KIF13B: variants seen among roughly 807,000 people sequenced by gnomAD.
KIF13B encodes kinesin-like protein KIF13B.
In KIF13B, 127 loss-of-function variants were observed where a neutral mutation model predicts 222.0. That is an observed-to-expected ratio of 0.57 (90% CI 0.50 to 0.66). The LOEUF (loss-of-function observed/expected upper bound fraction) is 0.66. KIF13B is among the 30% of genes least tolerant of loss of function. The pLI, the probability that KIF13B is intolerant of heterozygous loss-of-function variation, is 0.00. For missense variants in KIF13B, 2,173 were observed against 2,379.0 expected (o/e 0.91, Z 1.80); for synonymous variants, 976 against 919.0 (o/e 1.06, Z -1.12).
intron 1 of KIF13B, 96 bp downstream of exon 1, chr8:29,262,884 G>A (rs949669825): frequency 2.0e-6 from 2 of 991,460 alleles, no homozygotes; most frequent in Non-Finnish European, 2.8e-6. Context: ...CTGACTATAG[G>A]GGCGGGGCCG....
At chr8:29,263,074 G>A (rs781744835), upstream of KIF13B, 48 of 1,553,838 alleles carry the variant, frequency 3.1e-5, no homozygotes, top group Non-Finnish European at 4.2e-5. Context: ...TCCGTCTGCC[G>A]CGGCCACCGG....
chr8:29,107,519 ACAT>A (rs1809131670), intron 35 of KIF13B, among the ~76,000 whole-genome samples: 1 of 151,818 alleles, frequency 6.6e-6, no homozygotes, highest in Non-Finnish European at 1.5e-5. Context: ...CAAGAGCGAA[ACAT>A]CATCACACAC....
intron 1 of KIF13B, among the ~76,000 whole-genome samples, chr8:29,256,857 C>T (rs1254322999): frequency 4.6e-5 from 7 of 152,156 alleles, no homozygotes; most frequent in Non-Finnish European, 8.8e-5. Context: ...CAGGTTGAAG[C>T]GATTATCCCA....
chr8:29,088,036 C>T (rs960768394), intron 37 of KIF13B, among the ~76,000 whole-genome samples: 4 of 151,812 alleles, frequency 2.6e-5, no homozygotes, highest in Admixed American at 2.0e-4. Flanking sequence ...GGGAGGCTGA[C>T]GCAGGCGGAT....
At chr8:29,094,624 A>G (rs1229797249) in intron 36 of KIF13B, among the ~76,000 whole-genome samples, 1 of 152,250 alleles carries the variant, frequency 6.6e-6, no homozygotes, top group Non-Finnish European at 1.5e-5. Context: ...GGTATGAATC[A>G]CATGGATATA....
Position 29,116,901 on chromosome 8 carries a change from T to A in KIF13B, c.3767A>T (p.Gln1256Leu). ...TTGCATGTCAGCAGGGTGGCTGAGC[T>A]GGACCGTCACGCGCACGATCAGGAA... The part of the protein sequence containing the change: ...RLFLIVRVTV[Q>L]LSHPADMQLV... Residue 1256 changes from glutamine to leucine, a missense_variant, in exon 31 of 40, where the codon CAG (glutamine) becomes CTG (leucine). Coordinates refer to ENST00000524189, the MANE Select transcript of KIF13B (RefSeq NM_015254.4). 1 of 1,613,754 alleles carries A rather than the reference T, an allele frequency of 6.2e-7. No homozygotes were observed. Among genetic ancestry groups the A allele is most frequent in the Non-Finnish European group, 8.5e-7 (1 of 1,179,690 alleles).
chr8:29,083,046 T>C (rs1018644939), intron 37 of KIF13B, among the ~76,000 whole-genome samples: 2 of 152,002 alleles, frequency 1.3e-5, no homozygotes. Flanking sequence ...GGAGAATCAC[T>C]TGAGCCCAGG....
intron 2 of KIF13B, among the ~76,000 whole-genome samples, chr8:29,227,888 A>ACATGATGAGC (rs560595335): frequency 3.2e-4 from 49 of 152,092 alleles, no homozygotes; most frequent in Middle Eastern, 3.4e-3. Flanking sequence ...GAGTTCAAGT[A>ACATGATGAGC]CATGATGAGC....
At position 29,071,496 on chromosome 8, in the gene KIF13B, G is replaced by T; in HGVS notation, c.5218+124C>A. Reference sequence around the variant, plus strand: ...AGGCCCAGCCGCTCCCGCAGCTTCAGCCAAGCCGCTGCCTCCCGGCCCCTC... The same window carrying T: ...AGGCCCAGCCGCTCCCGCAGCTTCATCCAAGCCGCTGCCTCCCGGCCCCTC... On this transcript the variant is annotated intron_variant, in intron 39 of 39. Transcript: ENST00000524189. This position sits in a 1 kb window ranked among gnomAD's most constrained non-coding sequence, Gnocchi z 4.9. 2 of 862,120 alleles carry T rather than the reference G, an allele frequency of 2.3e-6. No individual in the cohort carries two copies. Among genetic ancestry groups the T allele is most frequent in the Non-Finnish European group, 3.6e-6 (2 of 555,796 alleles). The allele number at this position is 862,120 out of a possible 1,614,324, so 53.4% of individuals were successfully genotyped here. A position where few individuals can be genotyped will look rare whatever the true frequency, so the allele number is the denominator to read the frequency against.
chr8:29,256,809 C>T (rs1816496929), intron 1 of KIF13B, among the ~76,000 whole-genome samples: 1 of 152,202 alleles, frequency 6.6e-6, no homozygotes, highest in African/African-American at 2.4e-5. Context: ...GGCTAGAGTG[C>T]AGTGGTGCGA....
intron 2 of KIF13B, among the ~76,000 whole-genome samples, chr8:29,245,031 C>A (rs965670234): frequency 6.6e-6 from 1 of 152,328 alleles, no homozygotes; most frequent in South Asian, 2.1e-4. Context: ...TGCTAAGGAA[C>A]CGACTTACAT....
chr8:29,262,547 C>A (rs985590692), intron 1 of KIF13B, among the ~76,000 whole-genome samples: 1 of 151,774 alleles, frequency 6.6e-6, no homozygotes, highest in African/African-American at 2.4e-5. Context: ...GGGTCCCGGG[C>A]GGTCCCGAGG....
chr8:29,142,861 G>A (rs1810880643), intron 18 of KIF13B, among the ~76,000 whole-genome samples: 1 of 151,294 alleles, frequency 6.6e-6, no homozygotes, highest in South Asian at 2.1e-4. Flanking sequence ...ATACATGTGT[G>A]TGTGTGTAAA....
intron 8 of KIF13B, among the ~76,000 whole-genome samples, chr8:29,179,674 G>T (rs1586888642): frequency 6.6e-6 from 1 of 152,284 alleles, no homozygotes; most frequent in East Asian, 1.9e-4. Flanking sequence ...GCTGGCAGCG[G>T]GACTGGGGAA....
At chr8:29,112,083 A>C (rs754773424) in intron 32 of KIF13B, among the ~76,000 whole-genome samples, 1 of 152,244 alleles carries the variant, frequency 6.6e-6, no homozygotes, top group Non-Finnish European at 1.5e-5. Context: ...ACATGACTTG[A>C]GAGGCAAAAG....
chr8:29,124,536 A>G (rs961334544), intron 26 of KIF13B, among the ~76,000 whole-genome samples: 5 of 150,952 alleles, frequency 3.3e-5, no homozygotes, highest in Non-Finnish European at 1.5e-5. Context: ...TCACTTGAGG[A>G]CGGGAGTTTG....
intron 37 of KIF13B, 134 bp downstream of exon 37, chr8:29,092,611 G>C (rs1259911466): frequency 2.4e-6 from 2 of 848,950 alleles, no homozygotes; most frequent in Non-Finnish European, 1.8e-6. Context: ...AGAAAAGACC[G>C]ACAGCTGTTT....
chr8:29,239,986 T>C (rs1172475784), intron 2 of KIF13B, among the ~76,000 whole-genome samples: 1 of 147,118 alleles, frequency 6.8e-6, no homozygotes, highest in East Asian at 2.0e-4. Flanking sequence ...GTAACAAACC[T>C]GTATGTGTAC....
rs1563734107 is a variant in KIF13B at position 29,140,198 on chromosome 8, C to A, written c.2485-7G>T. Reference sequence around the variant, plus strand: ...CGTGCAGCCGACCTGCCACCTGCAGCAATGAGGGAAGGCAGAAACATTTCT... The same window carrying A: ...CGTGCAGCCGACCTGCCACCTGCAGAAATGAGGGAAGGCAGAAACATTTCT... On this transcript the variant is annotated splice_polypyrimidine_tract_variant and splice_region_variant and intron_variant, in intron 20 of 39. Coordinates refer to ENST00000524189, the MANE Select transcript of KIF13B (RefSeq NM_015254.4). 6.2e-7 allele frequency: 1 copy of A among 1,613,388 alleles called. No individual in the cohort carries two copies. Among genetic ancestry groups the A allele is most frequent in the East Asian group, 2.2e-5 (1 of 44,880 alleles).
Sources: gnomAD v4.1 joint callset for allele counts (sites outside exome capture counted in the v4.1 genomes callset) on GRCh38, gnomAD v4.1.1 for gene constraint, Gnocchi (gnomAD v3.1) non-coding constraint, MANE v1.5 for transcripts, NCBI Gene and HGNC (gene_info 2026-07-23, HGNC 2026-07-21) for gene names.